CPB1: variants seen among roughly 807,000 people sequenced by gnomAD.
CPB1 encodes the protein carboxypeptidase B.
Under a neutral mutation model 51.4 loss-of-function variants are expected in CPB1, and 53 were observed. That is an observed-to-expected ratio of 1.03 (90% CI 0.83 to 1.30). The LOEUF (loss-of-function observed/expected upper bound fraction) is 1.30. CPB1 is among the 50% of genes most tolerant of loss of function. CPB1 has a pLI of 0.00. For synonymous variants in CPB1, 189 were observed against 186.9 expected, an observed-to-expected ratio of 1.01 and a Z score of -0.09; for missense variants, 494 against 516.2, an observed-to-expected ratio of 0.96 and a Z score of 0.42.
At chr3:148,834,713 C>T (rs1393636250) in intron 3 of CPB1, 91 bp downstream of exon 3, 6 of 1,272,070 alleles carry the variant, frequency 4.7e-6, no homozygotes, top group Non-Finnish European at 5.5e-6. Context: ...GAAATGAGAC[C>T]AAGACCAATG....
intron 8 of CPB1, 103 bp from the exon 9 acceptor site, chr3:148,845,321 A>C (rs1713203839): frequency 4.4e-6 from 4 of 904,394 alleles, no homozygotes; most frequent in Non-Finnish European, 5.3e-6. Flanking sequence ...GGACTCCTTG[A>C]TAAGGACTCC....
intron 6 of CPB1, 132 bp downstream of exon 6, chr3:148,842,056 T>C: frequency 1.5e-6 from 1 of 681,410 alleles, no homozygotes; most frequent in African/African-American, 1.8e-5. Flanking sequence ...GGAAATTAGT[T>C]TCAACTTCCA....
In CPB1 at chr3:148,836,158, G is replaced by GT. The variant is rs202185360; in HGVS notation, c.272+1547dup. The stretch of plus-strand genomic sequence containing the variant: ...TGTTGTACAAAGAAGGAGATTATAC[G>GT]TTTTTTTTTTTAAGAGTCAACAGTA... On this transcript the variant is annotated intron_variant, in intron 3 of 10. Transcript: ENST00000282957. Among the ~76,000 whole-genome samples, 109 of 145,754 alleles carry GT rather than the reference G, an allele frequency of 7.5e-4. 1 individual carries two copies. The highest frequency in any genetic ancestry group is 3.5e-3 in the Middle Eastern group (1 of 284).
intron 2 of CPB1, among the ~76,000 whole-genome samples, chr3:148,832,002 G>A (rs1345122038): frequency 3.3e-5 from 5 of 152,164 alleles, no homozygotes; most frequent in African/African-American, 7.2e-5. Context: ...AGTATAGTGG[G>A]TCTGTGTCAC....
chr3:148,844,652 T>C, intron 7 of CPB1, 25 bp from the exon 8 acceptor site: 1 of 1,613,160 alleles, frequency 6.2e-7, no homozygotes, highest in Non-Finnish European at 8.5e-7. Flanking sequence ...ATTATATTTG[T>C]CCTAACTATG....
intron 2 of CPB1, among the ~76,000 whole-genome samples, chr3:148,828,830 T>C (rs1440863318): frequency 1.3e-5 from 2 of 152,222 alleles, no homozygotes; most frequent in Non-Finnish European, 2.9e-5. Flanking sequence ...ATATAGTCAT[T>C]TTGTAGCTTT....
chr3:148,839,285 G>T (rs1464277912), intron 3 of CPB1, among the ~76,000 whole-genome samples: 1 of 152,144 alleles, frequency 6.6e-6, no homozygotes, highest in East Asian at 1.9e-4. Context: ...CTCCCCTAGA[G>T]CTTCCCTGTT....
At chr3:148,850,702 AAAT>A (rs1382546654) in intron 9 of CPB1, among the ~76,000 whole-genome samples, 1 of 152,206 alleles carries the variant, frequency 6.6e-6, no homozygotes, top group Non-Finnish European at 1.5e-5. Context: ...CAGAGGGAAG[AAAT>A]ATTGTGATTA....
intron 9 of CPB1, 68 bp downstream of exon 9, chr3:148,845,694 A>G (rs1329486260): frequency 7.8e-7 from 1 of 1,285,638 alleles, no homozygotes; most frequent in Non-Finnish European, 1.1e-6. Context: ...CCTGAAAAAA[A>G]AATCATTATA....
chr3:148,853,084 T>C (rs2108020727), intron 9 of CPB1, among the ~76,000 whole-genome samples: 1 of 152,340 alleles, frequency 6.6e-6, no homozygotes, highest in African/African-American at 2.4e-5. Flanking sequence ...GAAACTGCAG[T>C]TAAGGATTAT....
chr3:148,849,697 G>C lies in CPB1; in HGVS notation c.981+4071G>C, dbSNP rs551016267. Among the ~76,000 whole-genome samples the C allele has an allele frequency of 1.2e-4, 18 of 152,332 alleles. No individual in the cohort carries two copies. The East Asian group carries it at 2.5e-3, about 21-fold the overall frequency. ...GGAAAGCAGAGCGCACTACACAAAG[G>C]TGCCAATCCAGGGCATGTGTCTTGC... On this transcript the variant is annotated intron_variant, in intron 9 of 10. Coordinates refer to ENST00000282957, the MANE Select transcript of CPB1 (RefSeq NM_001871.3).
At chr3:148,834,422 A>G in intron 2 of CPB1, 76 bp from the exon 3 acceptor site, 1 of 1,302,084 alleles carries the variant, frequency 7.7e-7, no homozygotes, top group South Asian at 1.2e-5. Flanking sequence ...TCAATTCAGT[A>G]GAGCAATAAT....
intron 9 of CPB1, among the ~76,000 whole-genome samples, chr3:148,853,673 C>G (rs936845988): frequency 1.3e-5 from 2 of 152,216 alleles, no homozygotes; most frequent in African/African-American, 4.8e-5. Flanking sequence ...TAGCTTCCTT[C>G]TGTTCTTTAC....
At chr3:148,858,666 C>T (rs910294622) in intron 10 of CPB1, among the ~76,000 whole-genome samples, 5 of 152,052 alleles carry the variant, frequency 3.3e-5, no homozygotes, top group Admixed American at 6.6e-5. Context: ...GAGGTAGACA[C>T]CAGTCCCTCT....
intron 2 of CPB1, among the ~76,000 whole-genome samples, chr3:148,828,578 A>G (rs1712640965): frequency 3.3e-5 from 5 of 152,188 alleles, no homozygotes; most frequent in African/African-American, 1.2e-4. Context: ...GTAAAAAGCC[A>G]TGAGTGATTT....
chr3:148,839,902 C>T (rs1326793852), intron 3 of CPB1, among the ~76,000 whole-genome samples: 2 of 152,042 alleles, frequency 1.3e-5, no homozygotes, highest in Non-Finnish European at 2.9e-5. Flanking sequence ...GCATACTTTT[C>T]ACTCAAAGTA....
At chr3:148,833,464 C>A (rs1712798570) in intron 2 of CPB1, among the ~76,000 whole-genome samples, 1 of 152,154 alleles carries the variant, frequency 6.6e-6, no homozygotes, top group African/African-American at 2.4e-5. Context: ...TGCATAACCT[C>A]TAAGTCTGCC....
chr3:148,846,602 A>C (rs1343895370), intron 9 of CPB1, among the ~76,000 whole-genome samples: 1 of 151,190 alleles, frequency 6.6e-6, no homozygotes, highest in East Asian at 1.9e-4. Flanking sequence ...AATGCCGTAA[A>C]TATTTTGAGA....
Position 148,851,803 on chromosome 3 carries a change from G to A in CPB1, c.982-5654G>A, listed in dbSNP as rs376832028. On this transcript the variant is annotated intron_variant, in intron 9 of 10. Coordinates refer to ENST00000282957, the MANE Select transcript of CPB1 (RefSeq NM_001871.3). ...CGAGTGTTCTCCTTAGGGAAGAGTC[G>A]GGGCAAGGGCCAATCAATGAGGTAA... 4 of 152,174 alleles carry A rather than the reference G, an allele frequency of 2.6e-5. No homozygotes were observed. The South Asian group carries it at 8.3e-4, about 32-fold the overall frequency. 9.4% of individuals were successfully genotyped at this position (152,174 alleles called of 1,614,324 possible).
Sources: allele counts gnomAD v4.1 joint callset (sites outside exome capture counted in the v4.1 genomes callset), GRCh38; gene constraint gnomAD v4.1.1; transcripts MANE v1.5; gene names NCBI Gene and HGNC (gene_info 2026-07-23, HGNC 2026-07-21).